Variants in RETREG3 observed in about 807,000 individuals in gnomAD.
RETREG3 encodes the protein reticulophagy regulator family member 3.
RETREG3 carries 23 observed loss-of-function variants against 50.2 expected under a neutral mutation model. The observed-to-expected ratio is 0.46, with a 90% CI of 0.33 to 0.65. RETREG3 has a LOEUF of 0.65. Among genes scored for constraint, RETREG3 ranks in the 30% least tolerant of loss-of-function variants. RETREG3 has a pLI of 0.02. For synonymous variants in RETREG3, 240 were observed against 234.4 expected, an observed-to-expected ratio of 1.02 and a Z score of -0.22; for missense variants, 546 against 598.0, an observed-to-expected ratio of 0.91 and a Z score of 0.91.
At chr17:42,585,914 A>T in intron 5 of RETREG3, 139 bp downstream of exon 5, 1 of 757,488 alleles carries the variant, frequency 1.3e-6, no homozygotes, top group Non-Finnish European at 2.2e-6. Flanking sequence ...TCATGACACT[A>T]AACAGGTCAT....
chr17:42,590,498 C>T (rs528801911), intron 2 of RETREG3, among the ~76,000 whole-genome samples: 5 of 152,000 alleles, frequency 3.3e-5, no homozygotes, highest in African/African-American at 9.7e-5. Flanking sequence ...ATGGAGAAAC[C>T]CCATCTATAG....
At chr17:42,597,120 C>T (rs933771194) in intron 1 of RETREG3, among the ~76,000 whole-genome samples, 5 of 151,966 alleles carry the variant, frequency 3.3e-5, no homozygotes, top group Non-Finnish European at 5.9e-5. Context: ...GTGATCCGCC[C>T]GCTTCGACCT....
At position 42,609,175 on chromosome 17, in the gene RETREG3, C is replaced by G; in HGVS notation, c.150G>C (p.Glu50Asp). 1 of 1,610,166 alleles carries G rather than the reference C, an allele frequency of 6.2e-7. No homozygotes were observed. Among genetic ancestry groups the G allele is most frequent in the East Asian group, 2.2e-5 (1 of 44,874 alleles). ...CTGCCTGCACCCGACTCAGCAGAGG[C>G]TCGTAAGGCCCCAGCACCTCCACCA... ...RALVEVLGPY[E>D]PLLSRVQAAL... Residue 50 changes from glutamate (E) to aspartate (D), a missense_variant, in exon 1 of 9, where the codon GAG (glutamate) becomes GAC (aspartate). By Grantham distance (45) the Glu-to-Asp change is conservative (BLOSUM62 2). Coordinates refer to ENST00000309428, the MANE Select transcript of RETREG3 (RefSeq NM_178126.4).
chr17:42,600,280 A>G (rs1490085048), intron 1 of RETREG3, among the ~76,000 whole-genome samples: 1 of 151,986 alleles, frequency 6.6e-6, no homozygotes, highest in African/African-American at 2.4e-5. Context: ...TTACTTGGGA[A>G]GCTGAGGTGG....
intron 6 of RETREG3, among the ~76,000 whole-genome samples, chr17:42,584,181 A>G (rs1470771663): frequency 1.3e-5 from 2 of 152,200 alleles, no homozygotes; most frequent in Non-Finnish European, 2.9e-5. Context: ...GGCTAAAGGC[A>G]GACCTAATGT....
At chr17:42,593,882 T>G (rs1234911792) in intron 1 of RETREG3, among the ~76,000 whole-genome samples, 1 of 151,952 alleles carries the variant, frequency 6.6e-6, no homozygotes, top group Non-Finnish European at 1.5e-5. Context: ...AAGTAACATG[T>G]GATGTGAACA....
chr17:42,599,607 T>C (rs1420968918), intron 1 of RETREG3, among the ~76,000 whole-genome samples: 1 of 150,856 alleles, frequency 6.6e-6, no homozygotes, highest in Non-Finnish European at 1.5e-5. Flanking sequence ...TGAGCTGAGA[T>C]TGTGCCATTG....
chr17:42,590,107 G>A (rs375092087), intron 2 of RETREG3, among the ~76,000 whole-genome samples: 1 of 152,210 alleles, frequency 6.6e-6, no homozygotes, highest in African/African-American at 2.4e-5. Flanking sequence ...AGGAGACTGA[G>A]GCAGGAGAAT....
chr17:42,586,729 G>C (rs1027770919), intron 4 of RETREG3, 36 bp downstream of exon 4: 3 of 1,608,544 alleles, frequency 1.9e-6, no homozygotes, highest in African/African-American at 1.3e-5. Flanking sequence ...TGAACTGAGA[G>C]GCCAGAGATG....
chr17:42,596,994 T>G (rs1453693593), intron 1 of RETREG3, among the ~76,000 whole-genome samples: 1 of 151,378 alleles, frequency 6.6e-6, no homozygotes, highest in Non-Finnish European at 1.5e-5. Flanking sequence ...TGTCCTAGTC[T>G]CCCAAGTAAC....
intron 2 of RETREG3, among the ~76,000 whole-genome samples, chr17:42,589,215 C>T (rs535055814): frequency 5.3e-5 from 8 of 152,200 alleles, no homozygotes; most frequent in African/African-American, 1.9e-4. Context: ...TCCTTGAAGT[C>T]TCTATAAAAT....
intron 1 of RETREG3, among the ~76,000 whole-genome samples, chr17:42,604,477 C>T (rs2093164074): frequency 2.0e-5 from 3 of 151,992 alleles, no homozygotes; most frequent in African/African-American, 7.2e-5. Context: ...TGAGACCAGC[C>T]TGGGCAACAT....
At chr17:42,601,362 G>A (rs2093158070) in intron 1 of RETREG3, among the ~76,000 whole-genome samples, 1 of 151,700 alleles carries the variant, frequency 6.6e-6, no homozygotes, top group Non-Finnish European at 1.5e-5. Flanking sequence ...CACGAGATCA[G>A]GAGATCGAGA....
intron 2 of RETREG3, 57 bp downstream of exon 2, chr17:42,591,999 C>T: frequency 6.9e-7 from 1 of 1,445,396 alleles, no homozygotes; most frequent in South Asian, 1.2e-5. Context: ...ACTAAAGGTA[C>T]AAATTATAGG....
intron 1 of RETREG3, among the ~76,000 whole-genome samples, chr17:42,608,040 A>G (rs1219006369): frequency 1.3e-5 from 2 of 152,212 alleles, no homozygotes; most frequent in African/African-American, 4.8e-5. Context: ...AAAATCTTTC[A>G]GATAAAGGAT....
chr17:42,601,938 A>C (rs372379601), intron 1 of RETREG3, among the ~76,000 whole-genome samples: 1 of 152,072 alleles, frequency 6.6e-6, no homozygotes, highest in Non-Finnish European at 1.5e-5. Context: ...CCCAGCCAAA[A>C]GTTTCCAATT....
intron 2 of RETREG3, 81 bp downstream of exon 2, chr17:42,591,975 C>T: frequency 8.0e-7 from 1 of 1,243,332 alleles, no homozygotes; most frequent in Non-Finnish European, 1.1e-6. Flanking sequence ...TACACCTCCT[C>T]ATAAACCCCT....
rs2093102648 is a variant in RETREG3, at chr17:42,579,623, G to C, written c.*2190C>G. The stretch of plus-strand genomic sequence containing the variant: ...CCCTCAGGTACAAGAAACACCTTCC[G>C]AAGATTTTGCTCTCCTTCCTTCCCT... On this transcript the variant is annotated 3_prime_UTR_variant, in exon 9 of 9. Transcript: ENST00000309428. 1 of 152,652 alleles carries C rather than the reference G, an allele frequency of 6.6e-6. No homozygotes were observed. Among genetic ancestry groups the C allele is most frequent in the Non-Finnish European group, 1.5e-5 (1 of 68,044 alleles). 9.5% of individuals were successfully genotyped at this position (152,652 alleles called of 1,614,324 possible).
rs951582881 is a variant in RETREG3, at chr17:42,586,208, G to T, written c.505-71C>A. ...GACTGGGGTGGGTGTGAAGGGTTAG[G>T]GTAGAGATATGACAGAAAGACTCTG... On this transcript the variant is annotated intron_variant, in intron 4 of 8. Transcript: ENST00000309428. 2.8e-6 allele frequency: 4 copies of T among 1,428,140 alleles called. No individual in the cohort carries two copies. In the African/African-American group the frequency reaches 5.6e-5, roughly 20 times the overall value. 88.5% of individuals were successfully genotyped at this position (1,428,140 alleles called of 1,614,324 possible).
Sources: gnomAD v4.1 joint callset for allele counts (sites outside exome capture counted in the v4.1 genomes callset) on GRCh38, gnomAD v4.1.1 for gene constraint, MANE v1.5 for transcripts, NCBI Gene and HGNC (gene_info 2026-07-23, HGNC 2026-07-21) for gene names.